Variants in PPP1R12A observed in about 807,000 individuals in gnomAD.
The protein encoded by PPP1R12A is protein phosphatase 1 regulatory subunit 12A.
PPP1R12A carries 19 observed loss-of-function variants against 139.6 expected under a neutral mutation model. That is an observed-to-expected ratio of 0.14 (90% CI 0.09 to 0.20). The LOEUF is 0.20. PPP1R12A is among the 10% of genes least tolerant of loss of function. The pLI is 1.00. For synonymous variants in PPP1R12A, 427 were observed against 420.6 expected, an observed-to-expected ratio of 1.02 and a Z score of -0.19; for missense variants, 925 against 1,211.5, an observed-to-expected ratio of 0.76 and a Z score of 3.51.
intron 1 of PPP1R12A, chr12:79,914,038 T>C (rs1886804372): frequency 6.6e-6 from 1 of 152,196 alleles, no homozygotes; most frequent in African/African-American, 2.4e-5. Flanking sequence ...GCCACTCTTT[T>C]TGTTTCGTAA....
At chr12:79,869,941 G>A (rs1288860820) in intron 2 of PPP1R12A, among the ~76,000 whole-genome samples, 1 of 134,994 alleles carries the variant, frequency 7.4e-6, no homozygotes, top group Non-Finnish European at 1.5e-5. Flanking sequence ...TATTATAAGT[G>A]CTTTCTTTCA....
upstream of PPP1R12A, chr12:79,935,304 C>G: frequency 9.5e-7 from 1 of 1,051,672 alleles, no homozygotes; most frequent in South Asian, 3.7e-5. Context: ...GGTGGCTGGG[C>G]CACCAGAGGG....
intron 2 of PPP1R12A, among the ~76,000 whole-genome samples, chr12:79,864,046 G>A (rs1292148370): frequency 6.6e-6 from 1 of 152,092 alleles, no homozygotes; most frequent in Non-Finnish European, 1.5e-5. Flanking sequence ...ATTCTTCTCA[G>A]CACCACATGG....
chr12:79,876,678 G>C (rs1211373570), intron 1 of PPP1R12A, among the ~76,000 whole-genome samples: 1 of 152,038 alleles, frequency 6.6e-6, no homozygotes, highest in Non-Finnish European at 1.5e-5. Flanking sequence ...AGAAACAAAA[G>C]AAATGCTTTT....
chr12:79,912,390 T>A (rs953739377), intron 1 of PPP1R12A, among the ~76,000 whole-genome samples: 1 of 152,194 alleles, frequency 6.6e-6, no homozygotes, highest in Non-Finnish European at 1.5e-5. Context: ...AGGCAAACAT[T>A]TTTTAAATTA....
At chr12:79,869,630 G>A (rs1470133579) in intron 2 of PPP1R12A, among the ~76,000 whole-genome samples, 1 of 152,178 alleles carries the variant, frequency 6.6e-6, no homozygotes, top group East Asian at 1.9e-4. Flanking sequence ...ATGTAAACCA[G>A]TAGGGAATGT....
chr12:79,896,693 C>A (rs900566379), intron 1 of PPP1R12A, among the ~76,000 whole-genome samples: 3 of 152,086 alleles, frequency 2.0e-5, no homozygotes, highest in Admixed American at 6.6e-5. Context: ...GTGAGTGATG[C>A]CATCTCACTG....
At chr12:79,803,550 T>A (rs1390828290) in intron 14 of PPP1R12A, among the ~76,000 whole-genome samples, 1 of 152,160 alleles carries the variant, frequency 6.6e-6, no homozygotes, top group South Asian at 2.1e-4. Context: ...CAAATCAACA[T>A]ATATACATTT....
At chr12:79,868,576 C>T (rs1882236879) in intron 2 of PPP1R12A, among the ~76,000 whole-genome samples, 1 of 152,148 alleles carries the variant, frequency 6.6e-6, no homozygotes, top group Admixed American at 6.5e-5. Context: ...TGGTAGATGG[C>T]TGCCTTCTTG....
At chr12:79,833,723 G>A (rs915462444) in intron 3 of PPP1R12A, among the ~76,000 whole-genome samples, 1 of 150,394 alleles carries the variant, frequency 6.6e-6, no homozygotes, top group Non-Finnish European at 1.5e-5. Context: ...TGTAGTCCCA[G>A]CTACTTGGGA....
At chr12:79,915,026 A>T (rs866877854) in intron 1 of PPP1R12A, among the ~76,000 whole-genome samples, 1 of 152,008 alleles carries the variant, frequency 6.6e-6, no homozygotes, top group African/African-American at 2.4e-5. Flanking sequence ...CTTACTTACA[A>T]CCAAGACTCC....
intron 1 of PPP1R12A, among the ~76,000 whole-genome samples, chr12:79,931,824 G>T (rs1888275490): frequency 6.6e-6 from 1 of 152,040 alleles, no homozygotes; most frequent in Non-Finnish European, 1.5e-5. Flanking sequence ...AGGCTACTCT[G>T]GAGACTAAGA....
intron 1 of PPP1R12A, among the ~76,000 whole-genome samples, chr12:79,891,220 G>C (rs767813001): frequency 6.6e-6 from 1 of 151,902 alleles, no homozygotes; most frequent in Non-Finnish European, 1.5e-5. Flanking sequence ...TGGATCCTGG[G>C]GATGATGAAG....
chr12:79,922,518 T>G (rs897913672), intron 1 of PPP1R12A, among the ~76,000 whole-genome samples: 1 of 152,226 alleles, frequency 6.6e-6, no homozygotes, highest in Admixed American at 6.5e-5. Flanking sequence ...TAAAAAAGAA[T>G]GAGTTCATGT....
intron 2 of PPP1R12A, among the ~76,000 whole-genome samples, chr12:79,845,662 C>T (rs908883798): frequency 6.6e-6 from 1 of 152,080 alleles, no homozygotes; most frequent in East Asian, 1.9e-4. Context: ...CGGTGAAACC[C>T]TGTCTCTACT....
chr12:79,865,510 G>A (rs927870923), intron 2 of PPP1R12A, among the ~76,000 whole-genome samples: 1 of 152,164 alleles, frequency 6.6e-6, no homozygotes, highest in African/African-American at 2.4e-5. Context: ...ATTCAAATAG[G>A]AAGAGAGGAA....
At chr12:79,792,720 G>C (rs995344573) in intron 19 of PPP1R12A, among the ~76,000 whole-genome samples, 1 of 152,086 alleles carries the variant, frequency 6.6e-6, no homozygotes, top group African/African-American at 2.4e-5. Context: ...GTGGGGGCTG[G>C]AGTCTGCGTG....
chr12:79,774,464 G>C lies in PPP1R12A; in HGVS notation c.*1465C>G, dbSNP rs1869529882. ...TCAATAATACAATCAGCTACTATAAGCTTTACAATGTACAATTTATTCAAA... is the reference window on the plus strand; with the variant it reads ...TCAATAATACAATCAGCTACTATAACCTTTACAATGTACAATTTATTCAAA... On this transcript the variant is annotated 3_prime_UTR_variant, in exon 25 of 25. Coordinates refer to ENST00000450142, the MANE Select transcript of PPP1R12A (RefSeq NM_002480.3). The C allele has an allele frequency of 6.6e-6, 1 of 152,492 alleles. No individual in the cohort carries two copies. The highest frequency in any genetic ancestry group is 1.5e-5 in the Non-Finnish European group (1 of 67,982). 9.4% of individuals were successfully genotyped at this position (152,492 alleles called of 1,614,324 possible). A position where few individuals can be genotyped will look rare whatever the true frequency, so the allele number is the denominator to read the frequency against.
At chr12:79,873,570 G>A (rs1387705601) in intron 1 of PPP1R12A, among the ~76,000 whole-genome samples, 1 of 151,786 alleles carries the variant, frequency 6.6e-6, no homozygotes, top group Non-Finnish European at 1.5e-5. Flanking sequence ...AGAGGCTGAG[G>A]CAGGAGGATC....
Sources: gnomAD v4.1 joint callset for allele counts (sites outside exome capture counted in the v4.1 genomes callset) on GRCh38, gnomAD v4.1.1 for gene constraint, MANE v1.5 for transcripts, NCBI Gene and HGNC (gene_info 2026-07-23, HGNC 2026-07-21) for gene names.